SMARCA2: variants seen among roughly 807,000 people sequenced by gnomAD.
SMARCA2 encodes SWI/SNF-related matrix-associated actin-dependent regulator of chromatin subfamily A member 2.
In SMARCA2, 61 loss-of-function variants were observed where a neutral mutation model predicts 199.8. The ratio of observed to expected loss-of-function variants is 0.31; its 90% confidence interval spans 0.25 to 0.38. The LOEUF is 0.38. Ranked by LOEUF, SMARCA2 falls within the 10% of genes least tolerant of loss-of-function variation. The probability of loss-of-function intolerance (pLI) is 1.00; values close to 1 mark genes in which losing one functional copy is unlikely to be tolerated. For synonymous variants in SMARCA2, 935 were observed against 732.0 expected (o/e 1.28, Z -4.48); for missense variants, 1,344 against 2,012.2 (o/e 0.67, Z 6.35).
intron 29 of SMARCA2, among the ~76,000 whole-genome samples, chr9:2,176,379 C>G (rs188950956): frequency 3.9e-5 from 6 of 151,910 alleles, no homozygotes; most frequent in African/African-American, 1.2e-4. Flanking sequence ...AGTAGATTAC[C>G]AAAAGTAAAA....
At chr9:2,032,354 C>T (rs901419928) in intron 2 of SMARCA2, among the ~76,000 whole-genome samples, 20 of 152,210 alleles carry the variant, frequency 1.3e-4, no homozygotes, top group African/African-American at 4.6e-4. Context: ...TATTTCCAAA[C>T]TGTGCCTTTA....
In SMARCA2 at chr9:2,170,791, C is replaced by T. The variant is rs796819508; in HGVS notation, c.4253+319C>T. 6.6e-6 allele frequency among the ~76,000 whole-genome samples: 1 copy of T among 152,202 alleles called. No homozygotes were observed. On this transcript the variant is annotated intron_variant, in intron 29 of 33. Transcript: ENST00000349721. This position sits in a 1 kb window ranked among gnomAD's most constrained non-coding sequence, Gnocchi z 4.7. ...TCTGTTGCTTCCCCCTCCCTTCCAGCGCAGCTTCTGTTGTGTGTTCCTTGG... is the reference window on the plus strand; with the variant it reads ...TCTGTTGCTTCCCCCTCCCTTCCAGTGCAGCTTCTGTTGTGTGTTCCTTGG...
At chr9:2,189,294 G>C (rs1827713179) in intron 32 of SMARCA2, among the ~76,000 whole-genome samples, 1 of 152,148 alleles carries the variant, frequency 6.6e-6, no homozygotes, top group African/African-American at 2.4e-5. Context: ...TAATGGTCCA[G>C]TTTATTAGCC....
intron 5 of SMARCA2, among the ~76,000 whole-genome samples, chr9:2,049,786 G>A (rs1199286413): frequency 1.3e-5 from 2 of 152,226 alleles, no homozygotes; most frequent in Admixed American, 1.3e-4. Context: ...TTAGGCACTT[G>A]CAAAAGACAA....
At position 2,115,814 on chromosome 9, in the gene SMARCA2, C is replaced by A. The variant is rs1272483970; in HGVS notation, c.3457-8C>A. The A allele has an allele frequency of 6.2e-7, 1 of 1,612,608 alleles. No homozygotes were observed. The highest frequency in any genetic ancestry group is 2.2e-5 in the East Asian group (1 of 44,786). On this transcript the variant is annotated splice_region_variant and splice_polypyrimidine_tract_variant and intron_variant, in intron 24 of 33. Coordinates refer to ENST00000349721, the MANE Select transcript of SMARCA2 (RefSeq NM_003070.5). This position sits in a 1 kb window ranked among gnomAD's most constrained non-coding sequence, Gnocchi z 6.0. ...TCAGTCCTCATAGCATATTGACCCC[C>A]CAAACAGGATCTGCAGGCCCAAGAC...
chr9:2,103,659 TGTGAGAGAGA>T (rs1822627126), intron 22 of SMARCA2, among the ~76,000 whole-genome samples: 1 of 143,688 alleles, frequency 7.0e-6, no homozygotes, highest in African/African-American at 2.9e-5. Flanking sequence ...TGTGTGTGTG[TGTGAGAGAGA>T]GAGAGAGAGA....
At chr9:2,151,472 C>A (rs1305243448) in intron 27 of SMARCA2, among the ~76,000 whole-genome samples, 1 of 151,526 alleles carries the variant, frequency 6.6e-6, no homozygotes, top group Non-Finnish European at 1.5e-5. Context: ...TGGCTCATGC[C>A]TGTAATCCCA....
rs1822674466 is a variant in SMARCA2 at position 2,104,663 on chromosome 9, G to C, written c.3292+494G>C. Among the ~76,000 whole-genome samples the C allele has an allele frequency of 6.6e-6, 1 of 152,118 alleles. No individual in the cohort carries two copies. The highest frequency in any genetic ancestry group is 1.5e-5 in the Non-Finnish European group (1 of 68,018). On this transcript the variant is annotated intron_variant, in intron 23 of 33. Coordinates refer to ENST00000349721, the MANE Select transcript of SMARCA2 (RefSeq NM_003070.5). The surrounding 1 kb of genome is among the most constrained non-coding windows in gnomAD (Gnocchi z 4.0). ...GTATCCACATGTTACATTGTTAAGAGACATGACTTCATTGTTTCCTGGATT... is the reference window on the plus strand; with the variant it reads ...GTATCCACATGTTACATTGTTAAGACACATGACTTCATTGTTTCCTGGATT...
At chr9:2,059,743 C>G (rs1052975004) in intron 8 of SMARCA2, among the ~76,000 whole-genome samples, 2 of 152,120 alleles carry the variant, frequency 1.3e-5, no homozygotes, top group Non-Finnish European at 2.9e-5. Flanking sequence ...CAGACGGCAG[C>G]TAGACTGAGT....
At chr9:2,142,476 G>A (rs1824511303) in intron 27 of SMARCA2, among the ~76,000 whole-genome samples, 1 of 152,104 alleles carries the variant, frequency 6.6e-6, no homozygotes, top group Non-Finnish European at 1.5e-5. Context: ...TTCTCAGAAG[G>A]TCAGATAAAC....
chr9:2,185,285 T>G (rs1827358072), intron 31 of SMARCA2, among the ~76,000 whole-genome samples: 1 of 152,262 alleles, frequency 6.6e-6, no homozygotes, highest in Non-Finnish European at 1.5e-5. Context: ...GTTACTTGTC[T>G]TTTTGTGACT....
At chr9:2,076,098 T>A (rs974473731) in intron 12 of SMARCA2, 131 bp from the exon 13 acceptor site, 4 of 628,648 alleles carry the variant, frequency 6.4e-6, no homozygotes, top group Non-Finnish European at 1.2e-5. Context: ...TACATTTACT[T>A]CCTCCCTGAA....
chr9:2,138,373 C>T (rs1156332951), intron 27 of SMARCA2, among the ~76,000 whole-genome samples: 4 of 152,154 alleles, frequency 2.6e-5, no homozygotes, highest in African/African-American at 9.7e-5. Context: ...TGACCCTTTC[C>T]TTGAGGCAAA....
At chr9:2,041,232 T>C (rs1819590752) in intron 4 of SMARCA2, 1 of 397,890 alleles carries the variant, frequency 2.5e-6, no homozygotes, top group Admixed American at 4.4e-5. Flanking sequence ...TCTTATTAAT[T>C]GTTATAGCCT....
intron 27 of SMARCA2, among the ~76,000 whole-genome samples, chr9:2,133,495 C>T (rs903060438): frequency 1.3e-5 from 2 of 151,886 alleles, no homozygotes; most frequent in Admixed American, 1.3e-4. Context: ...ATTGCCTAGG[C>T]TGGTCTTGAA....
At chr9:2,129,831 G>A (rs916190636) in intron 27 of SMARCA2, among the ~76,000 whole-genome samples, 3 of 152,126 alleles carry the variant, frequency 2.0e-5, no homozygotes, top group African/African-American at 7.2e-5. Context: ...GAAACTCCAT[G>A]TCAGGAACCC....
At chr9:2,032,756 C>G (rs1194019729) in intron 2 of SMARCA2, 196 bp from the exon 3 acceptor site, 4 of 443,524 alleles carry the variant, frequency 9.0e-6, no homozygotes, top group Non-Finnish European at 1.6e-5. Flanking sequence ...AAACAACCCT[C>G]CACTGTTTAA....
chr9:2,172,090 TCA>T (rs772760482), intron 29 of SMARCA2, among the ~76,000 whole-genome samples: 2 of 152,214 alleles, frequency 1.3e-5, no homozygotes, highest in Non-Finnish European at 2.9e-5. Context: ...TTGCTGTCTG[TCA>T]CACACACTTC....
At chr9:2,163,349 G>C (rs1353746338) in intron 28 of SMARCA2, among the ~76,000 whole-genome samples, 1 of 152,128 alleles carries the variant, frequency 6.6e-6, no homozygotes, top group Non-Finnish European at 1.5e-5. Context: ...CATTCTCTTG[G>C]GTTTGGACCA....
Sources: allele counts gnomAD v4.1 joint callset (sites outside exome capture counted in the v4.1 genomes callset), GRCh38; gene constraint gnomAD v4.1.1; non-coding constraint Gnocchi (gnomAD v3.1); transcripts MANE v1.5; gene names NCBI Gene and HGNC (gene_info 2026-07-23, HGNC 2026-07-21).